XKR9: variants seen among roughly 807,000 people sequenced by gnomAD.
XKR9 encodes XK related 9.
Under a neutral mutation model 32.0 loss-of-function variants are expected in XKR9, and 32 were observed. That is an observed-to-expected ratio of 1.00 (90% confidence interval 0.76 to 1.34). The LOEUF (loss-of-function observed/expected upper bound fraction) is 1.34. Among genes scored for constraint, XKR9 ranks in the 40% most tolerant of loss-of-function variants. XKR9 has a pLI of 0.00. For missense variants in XKR9, 546 were observed against 429.7 expected, an observed-to-expected ratio of 1.27 and a Z score of -2.39; for synonymous variants, 168 against 143.4, an observed-to-expected ratio of 1.17 and a Z score of -1.22.
downstream of XKR9, among the ~76,000 whole-genome samples, chr8:70,794,425 A>T (rs916843099): frequency 1.3e-5 from 2 of 152,012 alleles, no homozygotes; most frequent in African/African-American, 4.8e-5. Context: ...TCCTTCTCTT[A>T]CTTCTTACCT....
the XKR9 span, among the ~76,000 whole-genome samples, chr8:71,038,551 C>T: frequency 6.6e-5 from 10 of 151,640 alleles, no homozygotes; most frequent in South Asian, 2.1e-3. Context: ...AATCTCCTGA[C>T]CTCGTGATCA....
intron 1 of XKR9, among the ~76,000 whole-genome samples, chr8:70,673,980 G>A (rs1225992285): frequency 6.6e-6 from 1 of 152,126 alleles, no homozygotes; most frequent in Non-Finnish European, 1.5e-5. Flanking sequence ...GCTTTCTAGA[G>A]GGTCATAACC....
At chr8:70,728,207 C>G (rs1586864497) in intron 4 of XKR9, among the ~76,000 whole-genome samples, 1 of 152,114 alleles carries the variant, frequency 6.6e-6, no homozygotes, top group Non-Finnish European at 1.5e-5. Flanking sequence ...CTTTCACTGT[C>G]TAAGGTGTAA....
intron 2 of XKR9, among the ~76,000 whole-genome samples, chr8:70,747,477 A>G (rs751553442): frequency 6.6e-6 from 1 of 152,170 alleles, no homozygotes; most frequent in Non-Finnish European, 1.5e-5. Context: ...TAGAAGAGAG[A>G]CCTGAGCTAG....
chr8:71,015,410 G>A, the XKR9 span, among the ~76,000 whole-genome samples: 2 of 152,268 alleles, frequency 1.3e-5, no homozygotes, highest in African/African-American at 2.4e-5. Flanking sequence ...GGCTGGGCAA[G>A]ATATTGTTAC....
the XKR9 span, among the ~76,000 whole-genome samples, chr8:71,024,999 G>A: frequency 2.6e-5 from 4 of 152,140 alleles, no homozygotes; most frequent in African/African-American, 4.8e-5. Flanking sequence ...TTTCCTATCT[G>A]CCAGCTATTG....
intron 4 of XKR9, among the ~76,000 whole-genome samples, chr8:70,727,553 A>C (rs1806515022): frequency 6.6e-6 from 1 of 152,014 alleles, no homozygotes; most frequent in Non-Finnish European, 1.5e-5. Context: ...GGCACACACC[A>C]CCACGCCTGG....
At chr8:70,944,001 TA>T in the XKR9 span, among the ~76,000 whole-genome samples, 1 of 152,110 alleles carries the variant, frequency 6.6e-6, no homozygotes, top group African/African-American at 2.4e-5. Context: ...AAAGAAGAAA[TA>T]AAAAATGCTT....
At chr8:70,738,457 G>A (rs530851372), downstream of XKR9, among the ~76,000 whole-genome samples, 20 of 149,002 alleles carry the variant, frequency 1.3e-4, no homozygotes, top group African/African-American at 2.9e-4. Flanking sequence ...GGTTTTTTGT[G>A]TCTCTATTTC....
chr8:70,673,699 A>C (rs1476551322), intron 1 of XKR9, among the ~76,000 whole-genome samples: 1 of 152,002 alleles, frequency 6.6e-6, no homozygotes, highest in Non-Finnish European at 1.5e-5. Flanking sequence ...CAGGAGGCGG[A>C]GGTTGCAGTG....
chr8:70,731,798 G>T (rs1008093092), intron 4 of XKR9, among the ~76,000 whole-genome samples: 2 of 152,180 alleles, frequency 1.3e-5, no homozygotes, highest in Non-Finnish European at 2.9e-5. Context: ...GACAAGGAAA[G>T]TTCTCTGAGT....
the XKR9 span, among the ~76,000 whole-genome samples, chr8:71,003,633 C>A: frequency 6.6e-6 from 1 of 152,012 alleles, no homozygotes; most frequent in Admixed American, 6.6e-5. Context: ...TCCCTAGCAC[C>A]TGGAATAGTG....
chr8:70,759,015 C>A (rs1048009902), intron 2 of XKR9, among the ~76,000 whole-genome samples: 1 of 152,216 alleles, frequency 6.6e-6, no homozygotes, highest in East Asian at 1.9e-4. Context: ...AAATTTCCCA[C>A]TCTAAGCTAT....
chr8:70,773,000 TATTAA>T (rs1388280843), intron 2 of XKR9, among the ~76,000 whole-genome samples: 3 of 152,308 alleles, frequency 2.0e-5, no homozygotes, highest in African/African-American at 7.2e-5. Flanking sequence ...GTCATGAAAA[TATTAA>T]ATTAAAAGTT....
At chr8:71,020,382 G>A in the XKR9 span, among the ~76,000 whole-genome samples, 1 of 152,174 alleles carries the variant, frequency 6.6e-6, no homozygotes, top group Non-Finnish European at 1.5e-5. Context: ...AATAGCCGTG[G>A]TTCAAAAGAA....
chr8:70,708,656 A>T (rs1805806506), intron 4 of XKR9, among the ~76,000 whole-genome samples: 1 of 152,168 alleles, frequency 6.6e-6, no homozygotes, highest in Admixed American at 6.5e-5. Context: ...TCTGGAAGAA[A>T]ATATGCAAAA....
the XKR9 span, among the ~76,000 whole-genome samples, chr8:70,862,218 T>C: frequency 6.6e-6 from 1 of 152,204 alleles, no homozygotes; most frequent in Non-Finnish European, 1.5e-5. Context: ...AAATTTTTAT[T>C]TTTATTTTTT....
At chr8:70,833,660 G>A in the XKR9 span, among the ~76,000 whole-genome samples, 1 of 152,076 alleles carries the variant, frequency 6.6e-6, no homozygotes, top group African/African-American at 2.4e-5. Flanking sequence ...GATGCCCACG[G>A]CCTACCTCAA....
chr8:70,803,477 T>TG, the XKR9 span, among the ~76,000 whole-genome samples: 15 of 152,362 alleles, frequency 9.8e-5, no homozygotes, highest in African/African-American at 2.9e-4. Flanking sequence ...GAATTATTGC[T>TG]GGGGAACTAG....
Sources: allele counts gnomAD v4.1 joint callset (sites outside exome capture counted in the v4.1 genomes callset), GRCh38; gene constraint gnomAD v4.1.1; transcripts MANE v1.5; gene names NCBI Gene and HGNC (gene_info 2026-07-23, HGNC 2026-07-21).